TPMT: variants seen among roughly 807,000 people sequenced by gnomAD.
TPMT encodes the protein S-adenosyl-L-methionine:thiopurine S-methyltransferase.
TPMT carries 18 observed loss-of-function variants against 34.2 expected under a neutral mutation model. The ratio of observed to expected loss-of-function variants is 0.53; its 90% CI spans 0.36 to 0.78. TPMT has a LOEUF of 0.78. Ranked by LOEUF, TPMT falls within the 30% of genes least tolerant of loss-of-function variation. The probability of loss-of-function intolerance (pLI) is 0.00; values close to 1 mark genes in which losing one functional copy is unlikely to be tolerated. For missense variants in TPMT, 265 were observed against 288.1 expected, an observed-to-expected ratio of 0.92 and a Z score of 0.58; for synonymous variants, 69 against 92.4, an observed-to-expected ratio of 0.75 and a Z score of 1.45.
Position 18,149,189 on chromosome 6 carries a change from G to A in TPMT, c.-44-18C>T. The A allele has an allele frequency of 6.2e-7, 1 of 1,604,938 alleles. No individual in the cohort carries two copies. Among genetic ancestry groups the A allele is most frequent in the Non-Finnish European group, 8.5e-7 (1 of 1,173,214 alleles). On this transcript the variant is annotated intron_variant, in intron 1 of 8. Transcript: ENST00000309983. This position sits in a 1 kb window ranked among gnomAD's most constrained non-coding sequence, Gnocchi z 5.0. ...TTCCGTGCCTACGTGGAAAATATTTGCAATGTTGTCATTTAAGGTCATTGG... is the reference window on the plus strand; with the variant it reads ...TTCCGTGCCTACGTGGAAAATATTTACAATGTTGTCATTTAAGGTCATTGG...
In TPMT at chr6:18,148,968, G is replaced by A. The variant is rs1245231380; in HGVS notation, c.140+20C>T. 6 of 1,612,478 alleles carry A rather than the reference G, an allele frequency of 3.7e-6. No individual in the cohort carries two copies. In the Admixed American group the frequency reaches 6.7e-5, roughly 18 times the overall value. On this transcript the variant is annotated intron_variant, in intron 2 of 8. Coordinates refer to ENST00000309983, the MANE Select transcript of TPMT (RefSeq NM_000367.5). This position sits in a 1 kb window ranked among gnomAD's most constrained non-coding sequence, Gnocchi z 4.1. ...CTTTTTGATAGAACATTTCTCTATT[G>A]TATACCAAATATTTCTTACTGATGT...
chr6:18,134,327 T>TA (rs1210898866), intron 6 of TPMT, among the ~76,000 whole-genome samples: 1 of 152,222 alleles, frequency 6.6e-6, no homozygotes, highest in African/African-American at 2.4e-5. Flanking sequence ...CCGATGCAGT[T>TA]AGTTTGCCAT....
In TPMT at chr6:18,143,256, G is replaced by T. The variant is rs377391122; in HGVS notation, c.366+340C>A. Reference sequence around the variant, plus strand: ...AGAGATTCTTTAGGGGTGGGAGTGAGGGGGGTGTGCTGTGTTATCTTTATC... The same window carrying T: ...AGAGATTCTTTAGGGGTGGGAGTGATGGGGGTGTGCTGTGTTATCTTTATC... On this transcript the variant is annotated intron_variant, in intron 4 of 8. Coordinates refer to ENST00000309983, the MANE Select transcript of TPMT (RefSeq NM_000367.5). The surrounding 1 kb of genome is among the most constrained non-coding windows in gnomAD (Gnocchi z 6.1). 6.6e-6 allele frequency among the ~76,000 whole-genome samples: 1 copy of T among 152,126 alleles called. No homozygotes were observed. The highest frequency in any genetic ancestry group is 1.5e-5 in the Non-Finnish European group (1 of 68,022).
rs916190763 is a variant in TPMT, at chr6:18,146,719, A to G, written c.233+1104T>C. ...TGGCTCAATGAATTGGTTAAAATAT[A>G]TGTCATAATATAGTTTAAATATTCT... On this transcript the variant is annotated intron_variant, in intron 3 of 8. Transcript: ENST00000309983. The surrounding 1 kb of genome is among the most constrained non-coding windows in gnomAD (Gnocchi z 6.2). Among the ~76,000 whole-genome samples, 4 of 152,168 alleles carry G rather than the reference A, an allele frequency of 2.6e-5. No homozygotes were observed. Among genetic ancestry groups the G allele is most frequent in the Non-Finnish European group, 5.9e-5 (4 of 68,046 alleles).
chr6:18,138,428 G>C lies in TPMT; in HGVS notation c.494+535C>G, dbSNP rs74987870. On this transcript the variant is annotated intron_variant, in intron 6 of 8. Coordinates refer to ENST00000309983, the MANE Select transcript of TPMT (RefSeq NM_000367.5). The surrounding 1 kb of genome is among the most constrained non-coding windows in gnomAD (Gnocchi z 4.1). The stretch of plus-strand genomic sequence containing the variant: ...ACTACAAGCACATACCACCACGGTC[G>C]GATAATTTTAAAAATATTTTGTAGA... Among the ~76,000 whole-genome samples, 1 of 151,838 alleles carries C rather than the reference G, an allele frequency of 6.6e-6. No individual in the cohort carries two copies. Among genetic ancestry groups the C allele is most frequent in the South Asian group, 2.1e-4 (1 of 4,820 alleles).
Position 18,147,833 on chromosome 6 carries a change from C to T in TPMT, c.223G>A (p.Glu75Lys), listed in dbSNP as rs778578091. The change falls in exon 3 of 9, where the codon GAG becomes AAG. Residue 75 changes from glutamate (E) to lysine (K), a missense_variant. Transcript: ENST00000309983. ...VFFPLCGKAV[E>K]MKWFADRGHS... is the part of the protein sequence containing the mutation. ...TTTATCTGCTCATACCATTTCATCT[C>T]AACCGCTTTTCCGCAAAGAGGAAAA... is the stretch of plus-strand genomic sequence containing the variant. 1.2e-5 allele frequency: 19 copies of T among 1,613,764 alleles called. No homozygotes were observed. In the South Asian group the frequency reaches 2.1e-4, roughly 18 times the overall value.
chr6:18,133,788 A>AC lies in TPMT; in HGVS notation c.580+15_580+16insG, dbSNP rs1241710450. The AC allele has an allele frequency of 1.5e-5, 24 of 1,581,662 alleles. No individual in the cohort carries two copies. Among genetic ancestry groups the AC allele is most frequent in the Admixed American group, 1.9e-5 (1 of 52,568 alleles). ...GGCAACTGGTAAAAGAAAAAAAAAA[A>AC]ACCCAACAACTTTACCTGGATGTTT... On this transcript the variant is annotated intron_variant, in intron 7 of 8. Transcript: ENST00000309983.
chr6:18,143,569 C>A lies in TPMT; in HGVS notation c.366+27G>T, dbSNP rs768377432. 3.1e-6 allele frequency: 5 copies of A among 1,611,598 alleles called. No homozygotes were observed. The South Asian group carries it at 5.5e-5, about 18-fold the overall frequency. On this transcript the variant is annotated intron_variant, in intron 4 of 8. Transcript: ENST00000309983. The surrounding 1 kb of genome is among the most constrained non-coding windows in gnomAD (Gnocchi z 6.1). ...AAAAACTTTTGTGGGGATATGGATA[C>A]AATTATTTACCCAAATCAAAACAAA... is the stretch of plus-strand genomic sequence containing the variant.
intron 1 of TPMT, among the ~76,000 whole-genome samples, chr6:18,152,025 C>A (rs1561893513): frequency 1.3e-5 from 2 of 152,164 alleles, no homozygotes; most frequent in South Asian, 2.1e-4. Flanking sequence ...CCAAAGCCTG[C>A]TGGTGTGGTG....
In TPMT at chr6:18,150,095, G is replaced by T. The variant is rs1364647638; in HGVS notation, c.-44-924C>A. Among the ~76,000 whole-genome samples the T allele has an allele frequency of 1.3e-5, 2 of 152,186 alleles. No individual in the cohort carries two copies. The highest frequency in any genetic ancestry group is 3.8e-4 in the East Asian group (2 of 5,198). ...TTCCCTCCTCACTTAGACACCAGTT[G>T]CAAGTCCAGGCCTCCACTGGCTTCA... On this transcript the variant is annotated intron_variant, in intron 1 of 8. Transcript: ENST00000309983. This position sits in a 1 kb window ranked among gnomAD's most constrained non-coding sequence, Gnocchi z 5.3.
rs1784461833 is a variant in TPMT, at chr6:18,155,019, C to A, written c.-45+14G>T. Reference sequence around the variant, plus strand: ...CCTTTCTCACCCGCACCCTCCGCGCCCGAGTGAGCCTACCTCGCTTACAGC... The same window carrying A: ...CCTTTCTCACCCGCACCCTCCGCGCACGAGTGAGCCTACCTCGCTTACAGC... On this transcript the variant is annotated intron_variant, in intron 1 of 8. Coordinates refer to ENST00000309983, the MANE Select transcript of TPMT (RefSeq NM_000367.5). The surrounding 1 kb of genome is among the most constrained non-coding windows in gnomAD (Gnocchi z 6.2). 1 of 152,622 alleles carries A rather than the reference C, an allele frequency of 6.6e-6. No individual in the cohort carries two copies. Among genetic ancestry groups the A allele is most frequent in the African/African-American group, 2.4e-5 (1 of 41,466 alleles). 9.5% of individuals were successfully genotyped at this position (152,622 alleles called of 1,614,324 possible). A position where few individuals can be genotyped will look rare whatever the true frequency, so the allele number is the denominator to read the frequency against.
Position 18,132,194 on chromosome 6 carries a change from T to A in TPMT, c.581-17A>T, listed in dbSNP as rs754855579. 6.2e-7 allele frequency: 1 copy of A among 1,613,160 alleles called. No individual in the cohort carries two copies. Among genetic ancestry groups the A allele is most frequent in the African/African-American group, 1.3e-5 (1 of 74,932 alleles). ...ATGGTGGACCTAGGTAAAAGAGAAATAAATTCTGAGTTTATTTCCAATGAC... is the reference window on the plus strand; with the variant it reads ...ATGGTGGACCTAGGTAAAAGAGAAAAAAATTCTGAGTTTATTTCCAATGAC... On this transcript the variant is annotated splice_polypyrimidine_tract_variant and intron_variant, in intron 7 of 8. Coordinates refer to ENST00000309983, the MANE Select transcript of TPMT (RefSeq NM_000367.5). The surrounding 1 kb of genome is among the most constrained non-coding windows in gnomAD (Gnocchi z 4.8).
At chr6:18,134,006 T>C (rs958547013) in intron 6 of TPMT, 117 bp from the exon 7 acceptor site, 10 of 771,996 alleles carry the variant, frequency 1.3e-5, no homozygotes, top group Non-Finnish European at 2.2e-5. Flanking sequence ...GAGTTTAAAT[T>C]CTCCTAATAA....
rs1783867991 is a variant in TPMT, at chr6:18,128,492, A to G, written c.*2176T>C. ...TCTTTGGGCACAACTGCAAGCGGAA[A>G]GGACTCTATCCCATGGACACAGGGT... On this transcript the variant is annotated 3_prime_UTR_variant, in exon 9 of 9. Transcript: ENST00000309983. This position sits in a 1 kb window ranked among gnomAD's most constrained non-coding sequence, Gnocchi z 4.6. 1 of 152,184 alleles carries G rather than the reference A, an allele frequency of 6.6e-6. No homozygotes were observed. The highest frequency in any genetic ancestry group is 2.4e-5 in the African/African-American group (1 of 41,450). The allele number at this position is 152,184 out of a possible 1,614,324, so 9.4% of individuals were successfully genotyped here. A position where few individuals can be genotyped will look rare whatever the true frequency, so the allele number is the denominator to read the frequency against.
At chr6:18,147,611 C>T (rs1478844701) in intron 3 of TPMT, among the ~76,000 whole-genome samples, 2 of 152,130 alleles carry the variant, frequency 1.3e-5, no homozygotes, top group Non-Finnish European at 2.9e-5. Context: ...TTTTTAATTT[C>T]AAAACTCAAT....
At chr6:18,151,398 T>C (rs1039441931) in intron 1 of TPMT, among the ~76,000 whole-genome samples, 4 of 151,196 alleles carry the variant, frequency 2.6e-5, no homozygotes, top group African/African-American at 9.7e-5. Context: ...AGCCTAGGAG[T>C]TCGAGGCTGC....
intron 6 of TPMT, among the ~76,000 whole-genome samples, chr6:18,137,887 G>A (rs945471325): frequency 6.6e-6 from 1 of 152,206 alleles, no homozygotes; most frequent in African/African-American, 2.4e-5. Flanking sequence ...CTGGGTTCAA[G>A]TGATTCTCCT....
In TPMT at chr6:18,147,869, G is replaced by T. The variant is rs540172293; in HGVS notation, c.187C>A (p.Leu63Met). 24 of 1,613,452 alleles carry T rather than the reference G, an allele frequency of 1.5e-5. No individual in the cohort carries two copies. In the South Asian group the frequency reaches 2.6e-4, roughly 18 times the overall value. ...CCGCAAAGAGGAAAAAATACCCTCA[G>T]TCCACTCTTGCCTTTAAGGAAAGTA... The part of the protein sequence containing the change: ...LDTFLKGKSG[L>M]RVFFPLCGKA... The change falls in exon 3 of 9, where the codon CTG (leucine) becomes ATG (methionine). Residue 63 changes from leucine to methionine, a missense_variant. Physicochemically the swap from Leu to Met is conservative, Grantham distance 15 (BLOSUM62 2). Transcript: ENST00000309983.
chr6:18,150,774 T>C lies in TPMT; in HGVS notation c.-44-1603A>G, dbSNP rs1375624224. Among the ~76,000 whole-genome samples the C allele has an allele frequency of 1.3e-5, 2 of 152,166 alleles. No individual in the cohort carries two copies. The highest frequency in any genetic ancestry group is 4.8e-5 in the African/African-American group (2 of 41,450). On this transcript the variant is annotated intron_variant, in intron 1 of 8. Transcript: ENST00000309983. The surrounding 1 kb of genome is among the most constrained non-coding windows in gnomAD (Gnocchi z 5.3). ...GGTATCAAATTCTTGGTTAGAAGTGTGGGGGCCATAGGGGGTTGGGCACCC... is the reference window on the plus strand; with the variant it reads ...GGTATCAAATTCTTGGTTAGAAGTGCGGGGGCCATAGGGGGTTGGGCACCC...
Sources: gnomAD v4.1 joint callset for allele counts (sites outside exome capture counted in the v4.1 genomes callset) on GRCh38, gnomAD v4.1.1 for gene constraint, Gnocchi (gnomAD v3.1) non-coding constraint, MANE v1.5 for transcripts, NCBI Gene and HGNC (gene_info 2026-07-23, HGNC 2026-07-21) for gene names.